Variants in RPTOR observed in about 807,000 individuals in gnomAD.
RPTOR encodes regulatory-associated protein of mTOR.
RPTOR carries 21 observed loss-of-function variants against 169.9 expected under a neutral mutation model. The ratio of observed to expected loss-of-function variants is 0.12; its 90% confidence interval spans 0.09 to 0.18. The LOEUF is 0.18. Among genes scored for constraint, RPTOR ranks in the 10% least tolerant of loss-of-function variants. The pLI is 1.00. For missense variants in RPTOR, 1,133 were observed against 1,855.9 expected (o/e 0.61, Z 7.16); for synonymous variants, 732 against 753.2 (o/e 0.97, Z 0.46).
chr17:80,586,841 G>T (rs1426019522), intron 1 of RPTOR, among the ~76,000 whole-genome samples: 1 of 149,218 alleles, frequency 6.7e-6, no homozygotes, highest in Non-Finnish European at 1.5e-5. Flanking sequence ...GTTTCTCATG[G>T]CCTTTCTCGC....
At chr17:80,919,338 T>C (rs982092065) in intron 21 of RPTOR, among the ~76,000 whole-genome samples, 1 of 152,236 alleles carries the variant, frequency 6.6e-6, no homozygotes, top group African/African-American at 2.4e-5. Flanking sequence ...AAAGTGCCTC[T>C]GGATAATCCT....
intron 4 of RPTOR, among the ~76,000 whole-genome samples, chr17:80,729,842 G>A (rs1022052452): frequency 6.6e-6 from 1 of 152,184 alleles, no homozygotes; most frequent in Non-Finnish European, 1.5e-5. Context: ...ACAGCTGTGG[G>A]TCCATGGAGG....
intron 3 of RPTOR, among the ~76,000 whole-genome samples, chr17:80,693,990 C>T (rs1289219487): frequency 2.6e-5 from 4 of 152,202 alleles, no homozygotes; most frequent in Non-Finnish European, 4.4e-5. Flanking sequence ...TTGGTCTGAA[C>T]GGAGAGGGAC....
At chr17:80,817,028 A>G (rs2067331079) in intron 7 of RPTOR, among the ~76,000 whole-genome samples, 2 of 151,936 alleles carry the variant, frequency 1.3e-5, no homozygotes, top group African/African-American at 4.8e-5. Flanking sequence ...TGAACATAAG[A>G]CCTGCCTGGC....
chr17:80,827,147 C>CA (rs953049303), intron 9 of RPTOR, among the ~76,000 whole-genome samples: 26 of 152,214 alleles, frequency 1.7e-4, no homozygotes, highest in African/African-American at 5.3e-4. Flanking sequence ...AAGAAAACCT[C>CA]ATTCACAGAT....
At chr17:80,962,613 A>C (rs771885950) in intron 32 of RPTOR, 36 bp downstream of exon 32, 4 of 1,560,574 alleles carry the variant, frequency 2.6e-6, no homozygotes, top group Non-Finnish European at 3.5e-6. Flanking sequence ...TGCACCGCTC[A>C]CCCGCCTCGG....
At chr17:80,822,950 TTGC>T (rs2067398619) in intron 8 of RPTOR, 126 bp from the exon 9 acceptor site, 1 of 940,928 alleles carries the variant, frequency 1.1e-6, no homozygotes, top group Non-Finnish European at 1.6e-6. Flanking sequence ...TGTGTGTGTG[TTGC>T]TGATGGGAGA....
At chr17:80,792,181 G>A (rs2067055627) in intron 7 of RPTOR, among the ~76,000 whole-genome samples, 1 of 152,104 alleles carries the variant, frequency 6.6e-6, no homozygotes. Flanking sequence ...AGTCATCCAG[G>A]CAGTATGGAA....
At chr17:80,640,134 T>G (rs1237071679) in intron 2 of RPTOR, among the ~76,000 whole-genome samples, 1 of 152,210 alleles carries the variant, frequency 6.6e-6, no homozygotes, top group African/African-American at 2.4e-5. Context: ...TCCATCCACC[T>G]ACCCATCCAT....
At chr17:80,872,063 C>G (rs2068057925) in intron 13 of RPTOR, among the ~76,000 whole-genome samples, 1 of 152,150 alleles carries the variant, frequency 6.6e-6, no homozygotes, top group South Asian at 2.1e-4. Context: ...AATTTCCAAA[C>G]TAGAGGTTGT....
intron 7 of RPTOR, among the ~76,000 whole-genome samples, chr17:80,814,859 C>T (rs1233543848): frequency 6.6e-6 from 1 of 152,158 alleles, no homozygotes; most frequent in Non-Finnish European, 1.5e-5. Flanking sequence ...GGAGCAGCCC[C>T]AAGCAGGGAA....
intron 3 of RPTOR, among the ~76,000 whole-genome samples, chr17:80,700,698 T>A (rs1191108228): frequency 9.8e-6 from 1 of 102,534 alleles, no homozygotes; most frequent in African/African-American, 3.9e-5. Context: ...GTGATGGTGA[T>A]GGTGGTGGTG....
intron 3 of RPTOR, among the ~76,000 whole-genome samples, chr17:80,683,568 G>C (rs112803228): frequency 3.3e-5 from 5 of 152,108 alleles, no homozygotes; most frequent in Admixed American, 1.3e-4. Context: ...AGTTATGATC[G>C]TGATGGTTGC....
chr17:80,820,386 C>T lies in RPTOR; in HGVS notation c.891-1815C>T, dbSNP rs1156844875. Among the ~76,000 whole-genome samples, 1 of 152,220 alleles carries T rather than the reference C, an allele frequency of 6.6e-6. No individual in the cohort carries two copies. Among genetic ancestry groups the T allele is most frequent in the Non-Finnish European group, 1.5e-5 (1 of 68,050 alleles). ...GGGCTCCATGTCCACCCCACGATGCCCCCCGTGCCCCTTCTCCGTGCTGTT... is the reference window on the plus strand; with the variant it reads ...GGGCTCCATGTCCACCCCACGATGCTCCCCGTGCCCCTTCTCCGTGCTGTT... On this transcript the variant is annotated intron_variant, in intron 7 of 33. Coordinates refer to ENST00000306801, the MANE Select transcript of RPTOR (RefSeq NM_020761.3). This position sits in a 1 kb window ranked among gnomAD's most constrained non-coding sequence, Gnocchi z 4.1.
rs540581279 is a variant in RPTOR, at chr17:80,910,338, G to A, written c.2520+1409G>A. On this transcript the variant is annotated intron_variant, in intron 21 of 33. Transcript: ENST00000306801. ...CCAGTGTCCAAAAACAATTGTTTAC[G>A]GTATTTGTCCTGGTTTTCTAGTTGC... Among the ~76,000 whole-genome samples, 4 of 152,292 alleles carry A rather than the reference G, an allele frequency of 2.6e-5. No homozygotes were observed. In the South Asian group the frequency reaches 8.3e-4, roughly 32 times the overall value.
At chr17:80,606,635 T>C (rs2065231544) in intron 1 of RPTOR, among the ~76,000 whole-genome samples, 1 of 152,210 alleles carries the variant, frequency 6.6e-6, no homozygotes, top group East Asian at 1.9e-4. Flanking sequence ...TTCTGATTTT[T>C]GTTTTAGTGA....
intron 9 of RPTOR, among the ~76,000 whole-genome samples, chr17:80,831,731 G>A (rs1030567270): frequency 1.3e-5 from 2 of 151,946 alleles, no homozygotes; most frequent in African/African-American, 4.8e-5. Context: ...GTGTGTCACT[G>A]TGTCACTGTG....
chr17:80,641,468 ATTTTT>A (rs907707970), intron 2 of RPTOR, among the ~76,000 whole-genome samples: 1 of 152,172 alleles, frequency 6.6e-6, no homozygotes, highest in Non-Finnish European at 1.5e-5. Context: ...TTTTTATTTT[ATTTTT>A]TTATCAGAGT....
At chr17:80,676,846 C>A (rs1162784452) in intron 3 of RPTOR, among the ~76,000 whole-genome samples, 1 of 152,174 alleles carries the variant, frequency 6.6e-6, no homozygotes, top group Non-Finnish European at 1.5e-5. Flanking sequence ...CTAGCCAGGG[C>A]ACAGCGGGAC....
Sources: gnomAD v4.1 joint callset for allele counts (sites outside exome capture counted in the v4.1 genomes callset) on GRCh38, gnomAD v4.1.1 for gene constraint, Gnocchi (gnomAD v3.1) non-coding constraint, MANE v1.5 for transcripts, NCBI Gene and HGNC (gene_info 2026-07-23, HGNC 2026-07-21) for gene names.